Variants in FHIT observed in about 807,000 individuals in gnomAD.
The protein encoded by FHIT is fragile histidine triad diadenosine triphosphatase, also known as bis(5'-adenosyl)-triphosphatase.
In FHIT, 19 loss-of-function variants were observed where a neutral mutation model predicts 17.9. The ratio of observed to expected loss-of-function variants is 1.06; its 90% confidence interval spans 0.74 to 1.56. The LOEUF (loss-of-function observed/expected upper bound fraction) is 1.56. Ranked by LOEUF, FHIT falls within the 40% of genes most tolerant of loss-of-function variation. FHIT has a pLI of 0.00. For missense variants in FHIT, 248 were observed against 189.2 expected, an observed-to-expected ratio of 1.31 and a Z score of -1.82; for synonymous variants, 81 against 69.7, an observed-to-expected ratio of 1.16 and a Z score of -0.81.
At chr3:59,762,693 A>C (rs1208355373) in intron 8 of FHIT, among the ~76,000 whole-genome samples, 1 of 152,238 alleles carries the variant, frequency 6.6e-6, no homozygotes, top group Non-Finnish European at 1.5e-5. Context: ...GCAAATAGGG[A>C]TCAACCTCTA....
chr3:60,653,377 A>G (rs1553688811), intron 4 of FHIT, among the ~76,000 whole-genome samples: 1 of 152,194 alleles, frequency 6.6e-6, no homozygotes, highest in African/African-American at 2.4e-5. Context: ...GAAAGTTTGT[A>G]GGCAACGTTG....
At chr3:60,867,999 A>G (rs1201085959) in intron 3 of FHIT, among the ~76,000 whole-genome samples, 1 of 152,194 alleles carries the variant, frequency 6.6e-6, no homozygotes, top group East Asian at 1.9e-4. Context: ...GTCATGTCTT[A>G]TATGACCTTT....
chr3:60,436,640 A>T (rs1269457471), intron 5 of FHIT, among the ~76,000 whole-genome samples: 2 of 152,090 alleles, frequency 1.3e-5, no homozygotes, highest in Non-Finnish European at 2.9e-5. Flanking sequence ...TTAAAAAATC[A>T]TTTTTTATTA....
chr3:60,319,623 T>C (rs948166744), intron 5 of FHIT, among the ~76,000 whole-genome samples: 1 of 152,122 alleles, frequency 6.6e-6, no homozygotes, highest in Non-Finnish European at 1.5e-5. Flanking sequence ...GAAATTTGTC[T>C]CATGAGCACA....
intron 5 of FHIT, among the ~76,000 whole-genome samples, chr3:60,515,856 T>G (rs1036200243): frequency 6.6e-6 from 1 of 152,216 alleles, no homozygotes; most frequent in Non-Finnish European, 1.5e-5. Flanking sequence ...TTCCCAGGGC[T>G]TGCTCTTGTA....
intron 5 of FHIT, among the ~76,000 whole-genome samples, chr3:60,077,181 AG>A (rs1703046711): frequency 6.6e-6 from 1 of 152,078 alleles, no homozygotes; most frequent in Non-Finnish European, 1.5e-5. Context: ...GAGCAGCCTA[AG>A]GAGGACTTAT....
intron 4 of FHIT, among the ~76,000 whole-genome samples, chr3:60,574,504 G>C (rs1039612207): frequency 6.6e-6 from 1 of 151,890 alleles, no homozygotes; most frequent in Non-Finnish European, 1.5e-5. Flanking sequence ...GAGCTTAGAC[G>C]AGCCTTCAGC....
At chr3:61,024,891 T>C (rs1397143225) in intron 3 of FHIT, among the ~76,000 whole-genome samples, 1 of 152,182 alleles carries the variant, frequency 6.6e-6, no homozygotes, top group Non-Finnish European at 1.5e-5. Context: ...ACAGCTTTTT[T>C]TTTTCTGAGC....
chr3:60,037,131 G>A (rs1258960963), intron 5 of FHIT, among the ~76,000 whole-genome samples: 1 of 152,158 alleles, frequency 6.6e-6, no homozygotes, highest in Non-Finnish European at 1.5e-5. Context: ...CAACATTGAA[G>A]TTTTAACCTC....
intron 5 of FHIT, among the ~76,000 whole-genome samples, chr3:60,355,298 A>T (rs925645909): frequency 3.9e-5 from 6 of 152,206 alleles, no homozygotes; most frequent in African/African-American, 1.4e-4. Context: ...GACTCAGAAA[A>T]TTATTACTGC....
intron 5 of FHIT, among the ~76,000 whole-genome samples, chr3:60,397,714 A>T (rs1334108142): frequency 1.3e-5 from 2 of 152,132 alleles, no homozygotes; most frequent in Non-Finnish European, 2.9e-5. Context: ...TTCCAAGCTG[A>T]AAACAGTTTA....
At chr3:59,943,388 G>T (rs1291653478) in intron 7 of FHIT, among the ~76,000 whole-genome samples, 1 of 152,062 alleles carries the variant, frequency 6.6e-6, no homozygotes, top group African/African-American at 2.4e-5. Context: ...ATTGGAGGAG[G>T]ATTATACCTC....
intron 4 of FHIT, among the ~76,000 whole-genome samples, chr3:60,673,385 A>C (rs1364885475): frequency 6.6e-6 from 1 of 152,182 alleles, no homozygotes; most frequent in Non-Finnish European, 1.5e-5. Flanking sequence ...TAGAGCTGGA[A>C]GAGATCATCC....
intron 5 of FHIT, among the ~76,000 whole-genome samples, chr3:60,112,279 C>A (rs1361175468): frequency 6.6e-6 from 1 of 152,140 alleles, no homozygotes; most frequent in Non-Finnish European, 1.5e-5. Context: ...CCTCATGGAA[C>A]TTGTAAGGAG....
At chr3:60,080,664 A>C (rs988769195) in intron 5 of FHIT, 1 of 152,118 alleles carries the variant, frequency 6.6e-6, no homozygotes, top group Non-Finnish European at 1.5e-5. Context: ...AGCCTGTTTG[A>C]ATTCATAAAG....
chr3:60,356,325 A>G (rs1221803608), intron 5 of FHIT, among the ~76,000 whole-genome samples: 2 of 152,166 alleles, frequency 1.3e-5, no homozygotes, highest in Non-Finnish European at 2.9e-5. Flanking sequence ...TTACTTGCCC[A>G]AGTTCAAGGC....
chr3:60,618,540 T>C (rs2039020469), intron 4 of FHIT, among the ~76,000 whole-genome samples: 1 of 152,212 alleles, frequency 6.6e-6, no homozygotes, highest in Non-Finnish European at 1.5e-5. Flanking sequence ...GGTGCTTGGT[T>C]TTCCGTTCCT....
intron 3 of FHIT, among the ~76,000 whole-genome samples, chr3:60,851,053 A>T (rs1043728619): frequency 6.6e-6 from 1 of 152,132 alleles, no homozygotes; most frequent in Non-Finnish European, 1.5e-5. Flanking sequence ...CATCTCCAGG[A>T]GGAGGGAGGA....
At chr3:60,968,315 G>T (rs1000892766) in intron 3 of FHIT, among the ~76,000 whole-genome samples, 4 of 151,938 alleles carry the variant, frequency 2.6e-5, no homozygotes, top group African/African-American at 9.7e-5. Context: ...ACTGACTAGG[G>T]TCTCTAATAT....
Sources: gnomAD v4.1 joint callset for allele counts (sites outside exome capture counted in the v4.1 genomes callset) on GRCh38, gnomAD v4.1.1 for gene constraint, MANE v1.5 for transcripts, NCBI Gene and HGNC (gene_info 2026-07-23, HGNC 2026-07-21) for gene names.